The following SINHCAF variants were observed in gnomAD, a reference collection of about 807,000 sequenced individuals.
SINHCAF encodes SIN3-HDAC complex associated factor, also known as SIN3-HDAC complex-associated factor.
A neutral mutation model predicts 25.8 loss-of-function variants in SINHCAF; 3 were observed. The observed-to-expected ratio is 0.12, with a 90% confidence interval of 0.05 to 0.30. The LOEUF (loss-of-function observed/expected upper bound fraction) is 0.30, where lower values mean the gene tolerates loss of function less well. SINHCAF is among the 10% of genes least tolerant of loss of function. SINHCAF has a pLI of 1.00. For synonymous variants in SINHCAF, 70 were observed against 85.5 expected, an observed-to-expected ratio of 0.82 and a Z score of 1.00; for missense variants, 121 against 262.3, an observed-to-expected ratio of 0.46 and a Z score of 3.72.
intron 3 of SINHCAF, 77 bp downstream of exon 3, chr12:31,295,137 CTACCCTAGGGATATATTACT>C: frequency 1.4e-6 from 1 of 717,226 alleles, no homozygotes; most frequent in Admixed American, 3.0e-5. Context: ...TCAGACTTTT[CTACCCTAGGGATATATTACT>C]TCCTAAATTA....
In SINHCAF at chr12:31,298,460, C is replaced by T. The variant is rs977187736; in HGVS notation, c.-20-236G>A. ...AGGAGGACTCTACTACCTCCTAACT[C>T]GCCTAACAAACATGCAATCTAAAAA... On this transcript the variant is annotated intron_variant, in intron 1 of 5. Transcript: ENST00000337682. 14 of 426,820 alleles carry T rather than the reference C, an allele frequency of 3.3e-5. No individual in the cohort carries two copies. In the Admixed American group the frequency reaches 4.8e-4, roughly 15 times the overall value. 26.4% of individuals were successfully genotyped at this position (426,820 alleles called of 1,614,324 possible).
intron 1 of SINHCAF, chr12:31,312,123 A>G (rs189980543): frequency 3.7e-5 from 16 of 434,876 alleles, no homozygotes; most frequent in Admixed American, 3.1e-4. Context: ...ATCACCATCA[A>G]TTGGTTTTTC....
intron 1 of SINHCAF, among the ~76,000 whole-genome samples, chr12:31,298,974 G>T (rs1182216701): frequency 2.0e-5 from 3 of 152,046 alleles, no homozygotes; most frequent in Admixed American, 2.0e-4. Context: ...TTGTGCCTGA[G>T]AGTAGTAACA....
intron 1 of SINHCAF, chr12:31,302,801 G>T: frequency 5.7e-6 from 2 of 349,682 alleles, no homozygotes; most frequent in Non-Finnish European, 8.0e-6. Context: ...TCTGGCGGAA[G>T]GATGATTGAT....
intron 3 of SINHCAF, 35 bp from the exon 4 acceptor site, chr12:31,293,966 TA>T: frequency 6.5e-7 from 1 of 1,543,152 alleles, no homozygotes; most frequent in Non-Finnish European, 8.7e-7. Context: ...ATAATATTTT[TA>T]AAATGACACC....
At chr12:31,314,011 T>G (rs1939394523) in intron 1 of SINHCAF, among the ~76,000 whole-genome samples, 1 of 151,502 alleles carries the variant, frequency 6.6e-6, no homozygotes, top group African/African-American at 2.4e-5. Context: ...ATCCCCCACC[T>G]ATCATAGGCT....
rs1939884561 is a variant in SINHCAF at position 31,324,724 on chromosome 12, A to T, written c.-21+1300T>A. ...TGTCGGAGCGTTTCGCAGGGGCCGGACACTGGACGATCACCCTGGGTAGGG... is the reference window on the plus strand; with the variant it reads ...TGTCGGAGCGTTTCGCAGGGGCCGGTCACTGGACGATCACCCTGGGTAGGG... On this transcript the variant is annotated intron_variant, in intron 1 of 5. Transcript: ENST00000337682. This position sits in a 1 kb window ranked among gnomAD's most constrained non-coding sequence, Gnocchi z 5.5. The T allele has an allele frequency of 5.7e-6, 2 of 348,050 alleles. No homozygotes were observed. The highest frequency in any genetic ancestry group is 2.2e-5 in the African/African-American group (1 of 46,508). 21.6% of individuals were successfully genotyped at this position (348,050 alleles called of 1,614,324 possible).
chr12:31,315,477 A>G (rs975862827), intron 1 of SINHCAF, among the ~76,000 whole-genome samples: 1 of 152,242 alleles, frequency 6.6e-6, no homozygotes, highest in Non-Finnish European at 1.5e-5. Flanking sequence ...GACCAGTTTT[A>G]TCTTTTCTTC....
At chr12:31,299,423 T>C (rs1938692617) in intron 1 of SINHCAF, among the ~76,000 whole-genome samples, 1 of 152,044 alleles carries the variant, frequency 6.6e-6, no homozygotes, top group Non-Finnish European at 1.5e-5. Flanking sequence ...TTCAAGTGAT[T>C]CTCCTGCCTC....
Position 31,325,333 on chromosome 12 carries a change from T to A in SINHCAF, c.-21+691A>T, listed in dbSNP as rs1204080389. 2.3e-6 allele frequency: 1 copy of A among 425,864 alleles called. No homozygotes were observed. The highest frequency in any genetic ancestry group is 2.0e-5 in the African/African-American group (1 of 48,838). 26.4% of individuals were successfully genotyped at this position (425,864 alleles called of 1,614,324 possible). ...GACGGGCTGTTTTTAAGCGACCGCG[T>A]GTTGCTCTCATTGTCGCATCCGCAT... On this transcript the variant is annotated intron_variant, in intron 1 of 5. Coordinates refer to ENST00000337682, the MANE Select transcript of SINHCAF (RefSeq NM_001135812.2). This position sits in a 1 kb window ranked among gnomAD's most constrained non-coding sequence, Gnocchi z 5.9.
chr12:31,283,513 G>C (rs542725945), intron 5 of SINHCAF, among the ~76,000 whole-genome samples: 1 of 152,022 alleles, frequency 6.6e-6, no homozygotes, highest in African/African-American at 2.4e-5. Context: ...TGAGGCAGTA[G>C]AATCACTTGA....
At chr12:31,310,844 C>T (rs895856186) in intron 1 of SINHCAF, among the ~76,000 whole-genome samples, 6 of 151,278 alleles carry the variant, frequency 4.0e-5, no homozygotes, top group Admixed American at 1.3e-4. Context: ...CTGGCAGCAT[C>T]GCTGGATTTT....
At chr12:31,313,657 G>GT (rs1327688727) in intron 1 of SINHCAF, among the ~76,000 whole-genome samples, 1 of 152,078 alleles carries the variant, frequency 6.6e-6, no homozygotes, top group Non-Finnish European at 1.5e-5. Flanking sequence ...TTGTTTGTTT[G>GT]TTTTTTCTGA....
intron 2 of SINHCAF, among the ~76,000 whole-genome samples, chr12:31,297,598 G>T (rs550523430): frequency 2.0e-5 from 3 of 151,172 alleles, no homozygotes; most frequent in Admixed American, 2.0e-4. Flanking sequence ...TCAGCCTCTG[G>T]AGTAACTGGG....
Position 31,282,748 on chromosome 12 carries a change from C to A in SINHCAF, c.630G>T (p.Gly210=), listed in dbSNP as rs1419231548. The change falls in exon 6 of 6, where the codon GGG becomes GGT. Residue 210 remains glycine, a synonymous_variant. Transcript: ENST00000337682. ...GAGTGGAGATGGGCAGAGGCTCTGG[C>A]CCCTGCTCCTCTGGCTTCTCAGCAG... ...KAAAEKPEEQ[G]PEPLPISTQE... is the part of the protein sequence containing the mutation. 1.2e-6 allele frequency: 2 copies of A among 1,612,190 alleles called. No homozygotes were observed. Among genetic ancestry groups the A allele is most frequent in the Admixed American group, 1.7e-5 (1 of 59,678 alleles).
intron 1 of SINHCAF, among the ~76,000 whole-genome samples, chr12:31,312,335 T>C (rs917996883): frequency 2.0e-5 from 3 of 152,168 alleles, no homozygotes; most frequent in Admixed American, 6.5e-5. Flanking sequence ...GTAATGTGTT[T>C]TCAACATTGT....
At chr12:31,284,447 T>C (rs1236035043) in intron 5 of SINHCAF, among the ~76,000 whole-genome samples, 1 of 152,208 alleles carries the variant, frequency 6.6e-6, no homozygotes, top group Non-Finnish European at 1.5e-5. Context: ...GTGCTGGATA[T>C]CATTTCATTT....
chr12:31,314,008 A>G (rs910466615), intron 1 of SINHCAF, among the ~76,000 whole-genome samples: 7 of 151,352 alleles, frequency 4.6e-5, no homozygotes, highest in African/African-American at 1.5e-4. Flanking sequence ...GGAATCCCCC[A>G]CCTATCATAG....
intron 1 of SINHCAF, among the ~76,000 whole-genome samples, chr12:31,307,196 T>C (rs954940734): frequency 6.6e-6 from 1 of 152,182 alleles, no homozygotes; most frequent in African/African-American, 2.4e-5. Context: ...AGTGGGGCAC[T>C]GTATATCCCT....
Sources: allele counts gnomAD v4.1 joint callset (sites outside exome capture counted in the v4.1 genomes callset), GRCh38; gene constraint gnomAD v4.1.1; non-coding constraint Gnocchi (gnomAD v3.1); transcripts MANE v1.5; gene names NCBI Gene and HGNC (gene_info 2026-07-23, HGNC 2026-07-21).